The following GABRB2 variants were observed in gnomAD, a reference collection of about 807,000 sequenced individuals.
GABRB2 encodes the protein gamma-aminobutyric acid receptor subunit beta-2.
A neutral mutation model predicts 54.7 loss-of-function variants in GABRB2; 16 were observed. That is an observed-to-expected ratio of 0.29 (90% CI 0.20 to 0.44). The LOEUF is 0.44. Among genes scored for constraint, GABRB2 ranks in the 20% least tolerant of loss-of-function variants. The pLI, the probability that GABRB2 is intolerant of heterozygous loss-of-function variation, is 1.00. For synonymous variants in GABRB2, 244 were observed against 233.8 expected (o/e 1.04, Z -0.40); for missense variants, 355 against 644.0 (o/e 0.55, Z 4.86).
chr5:161,317,648 T>C (rs1287802836), intron 9 of GABRB2, among the ~76,000 whole-genome samples: 1 of 152,064 alleles, frequency 6.6e-6, no homozygotes, highest in African/African-American at 2.4e-5. Context: ...TATAATAGAA[T>C]AAGTACATGG....
At chr5:161,476,828 T>C (rs1758605014) in intron 3 of GABRB2, among the ~76,000 whole-genome samples, 1 of 151,890 alleles carries the variant, frequency 6.6e-6, no homozygotes, top group Non-Finnish European at 1.5e-5. Context: ...GACCTAAAGT[T>C]ATAAAATGCC....
rs544968334 is a variant in GABRB2, at chr5:161,338,899, G to A, written c.542-2130C>T. 7.2e-5 allele frequency among the ~76,000 whole-genome samples: 11 copies of A among 152,132 alleles called. No individual in the cohort carries two copies. The South Asian group carries it at 1.5e-3, about 20-fold the overall frequency. On this transcript the variant is annotated intron_variant, in intron 5 of 9. Coordinates refer to ENST00000393959, the MANE Select transcript of GABRB2 (RefSeq NM_001371727.1). ...GCAAATTCTCAGAAAAGAGCCCCTC[G>A]CTTCTGTATAAAATTTTCTACCCAA... is the stretch of plus-strand genomic sequence containing the variant.
At chr5:161,417,361 T>C (rs1352623481) in intron 4 of GABRB2, among the ~76,000 whole-genome samples, 1 of 152,218 alleles carries the variant, frequency 6.6e-6, no homozygotes, top group Admixed American at 6.5e-5. Flanking sequence ...ATATTGTTAT[T>C]CCCATTTTAT....
intron 8 of GABRB2, chr5:161,327,022 C>G: frequency 2.1e-6 from 2 of 933,744 alleles, no homozygotes; most frequent in Non-Finnish European, 2.5e-6. Context: ...TGAAATCAAT[C>G]AAAAGCAAAT....
At chr5:161,335,261 G>A (rs753330565) in intron 6 of GABRB2, among the ~76,000 whole-genome samples, 1 of 152,072 alleles carries the variant, frequency 6.6e-6, no homozygotes, top group Non-Finnish European at 1.5e-5. Flanking sequence ...TTAATCTTAT[G>A]TGAGAGTGAG....
intron 4 of GABRB2, among the ~76,000 whole-genome samples, chr5:161,433,812 T>C (rs1757239447): frequency 6.6e-6 from 1 of 152,152 alleles, no homozygotes; most frequent in South Asian, 2.1e-4. Context: ...AGGATGATTC[T>C]CTGTTAATAT....
intron 5 of GABRB2, among the ~76,000 whole-genome samples, chr5:161,402,253 A>C (rs945403493): frequency 6.6e-6 from 1 of 152,108 alleles, no homozygotes; most frequent in Non-Finnish European, 1.5e-5. Flanking sequence ...TGTAGATACT[A>C]GGGAGGAACT....
intron 5 of GABRB2, among the ~76,000 whole-genome samples, chr5:161,399,239 G>A (rs1047000196): frequency 6.6e-6 from 1 of 152,092 alleles, no homozygotes; most frequent in Non-Finnish European, 1.5e-5. Context: ...ACTGATTGAA[G>A]ACATAGGTTC....
intron 5 of GABRB2, among the ~76,000 whole-genome samples, chr5:161,400,443 C>T (rs1756148382): frequency 6.6e-6 from 1 of 152,010 alleles, no homozygotes; most frequent in African/African-American, 2.4e-5. Context: ...ACCACCCTCC[C>T]GCTACAAAAT....
chr5:161,343,506 G>A lies in GABRB2; in HGVS notation c.542-6737C>T, dbSNP rs1051072917. Among the ~76,000 whole-genome samples the A allele has an allele frequency of 3.3e-5, 5 of 151,634 alleles. No homozygotes were observed. In the Admixed American group the frequency reaches 3.4e-4, roughly 10 times the overall value. ...TCTATTAAAATTCCAATGCAAAACTGTGTATTTGTTGTCTTTGTATGGGAG... is the reference window on the plus strand; with the variant it reads ...TCTATTAAAATTCCAATGCAAAACTATGTATTTGTTGTCTTTGTATGGGAG... On this transcript the variant is annotated intron_variant, in intron 5 of 9. Transcript: ENST00000393959.
chr5:161,339,824 G>A (rs1015584033), intron 5 of GABRB2, among the ~76,000 whole-genome samples: 3 of 151,946 alleles, frequency 2.0e-5, no homozygotes, highest in South Asian at 4.1e-4. Context: ...AAAATCACAC[G>A]TCTGGCAAAT....
intron 5 of GABRB2, among the ~76,000 whole-genome samples, chr5:161,359,170 G>A (rs1422827429): frequency 6.6e-6 from 1 of 152,196 alleles, no homozygotes; most frequent in East Asian, 1.9e-4. Flanking sequence ...GTACATATAA[G>A]CACACTTAGT....
At chr5:161,474,841 T>C (rs1758547905) in intron 3 of GABRB2, among the ~76,000 whole-genome samples, 1 of 151,984 alleles carries the variant, frequency 6.6e-6, no homozygotes, top group Non-Finnish European at 1.5e-5. Context: ...GTCAATTACA[T>C]ACCCCAAAAT....
chr5:161,294,474 T>C, intron 9 of GABRB2, 46 bp from the exon 10 acceptor site: 1 of 1,509,720 alleles, frequency 6.6e-7, no homozygotes, highest in South Asian at 1.2e-5. Flanking sequence ...AATGAAGCTT[T>C]ACAGGTGCTT....
intron 3 of GABRB2, among the ~76,000 whole-genome samples, chr5:161,466,553 G>T (rs993484698): frequency 7.9e-5 from 12 of 152,026 alleles, no homozygotes; most frequent in African/African-American, 2.4e-4. Flanking sequence ...GCCATTGAAA[G>T]AATTTTATCA....
chr5:161,463,444 G>A (rs1432122543), intron 3 of GABRB2, among the ~76,000 whole-genome samples: 3 of 149,658 alleles, frequency 2.0e-5, no homozygotes, highest in Non-Finnish European at 4.5e-5. Flanking sequence ...CTCTAAATTG[G>A]TCTACAGATG....
At chr5:161,398,848 T>C (rs1193621782) in intron 5 of GABRB2, among the ~76,000 whole-genome samples, 6 of 151,982 alleles carry the variant, frequency 3.9e-5, no homozygotes, top group African/African-American at 1.4e-4. Context: ...TGCCACCATG[T>C]CCAGCTAATT....
chr5:161,377,083 C>T (rs1016820364), intron 5 of GABRB2, among the ~76,000 whole-genome samples: 1 of 152,050 alleles, frequency 6.6e-6, no homozygotes, highest in African/African-American at 2.4e-5. Flanking sequence ...ACTATTTCTG[C>T]TCTGTATATG....
intron 5 of GABRB2, among the ~76,000 whole-genome samples, chr5:161,352,663 T>G (rs1754510604): frequency 6.6e-6 from 1 of 152,034 alleles, no homozygotes; most frequent in South Asian, 2.1e-4. Context: ...AATAACAAAG[T>G]ATTTTATGCT....
Sources: gnomAD v4.1 joint callset for allele counts (sites outside exome capture counted in the v4.1 genomes callset) on GRCh38, gnomAD v4.1.1 for gene constraint, MANE v1.5 for transcripts, NCBI Gene and HGNC (gene_info 2026-07-23, HGNC 2026-07-21) for gene names.